Variants in STPG2 observed in about 807,000 individuals in gnomAD.
The protein encoded by STPG2 is sperm-tail PG-rich repeat-containing protein 2.
In STPG2, 56 loss-of-function variants were observed where a neutral mutation model predicts 54.2. That is an observed-to-expected ratio of 1.03 (90% CI 0.83 to 1.29). The LOEUF is 1.29. Among genes scored for constraint, STPG2 ranks in the 50% most tolerant of loss-of-function variants. STPG2 has a pLI of 0.00. For synonymous variants in STPG2, 200 were observed against 181.8 expected, an observed-to-expected ratio of 1.10 and a Z score of -0.81; for missense variants, 596 against 544.9, an observed-to-expected ratio of 1.09 and a Z score of -0.93.
chr4:97,885,723 AG>A (rs1730538062), intron 8 of STPG2, among the ~76,000 whole-genome samples: 1 of 152,178 alleles, frequency 6.6e-6, no homozygotes, highest in Non-Finnish European at 1.5e-5. Flanking sequence ...TTGTAAACAT[AG>A]TTTCTGGAAG....
At position 97,972,276 on chromosome 4, in the gene STPG2, T is replaced by C; in HGVS notation, c.933+4A>G. ...AGAATATTATTTTTGTATGAATGTA[T>C]TACCTGATAATCAGCAGGTCCAGGG... On this transcript the variant is annotated splice_donor_region_variant and intron_variant, in intron 7 of 10. Transcript: ENST00000295268. 1.3e-6 allele frequency: 2 copies of C among 1,558,244 alleles called. No individual in the cohort carries two copies. Among genetic ancestry groups the C allele is most frequent in the Non-Finnish European group, 8.7e-7 (1 of 1,150,470 alleles).
At chr4:97,940,252 G>A (rs1157504783) in intron 8 of STPG2, among the ~76,000 whole-genome samples, 2 of 152,104 alleles carry the variant, frequency 1.3e-5, no homozygotes, top group East Asian at 3.8e-4. Context: ...TTTCAACCTT[G>A]GAAAATCTGA....
intron 8 of STPG2, among the ~76,000 whole-genome samples, chr4:97,881,911 A>G (rs1475314377): frequency 6.6e-6 from 1 of 152,152 alleles, no homozygotes; most frequent in East Asian, 1.9e-4. Context: ...TGAAAGCTGG[A>G]ATGAGTGTCA....
chr4:97,484,843 T>C (rs1314276178), intron 4 of STPG2, among the ~76,000 whole-genome samples: 3 of 151,656 alleles, frequency 2.0e-5, no homozygotes, highest in Non-Finnish European at 4.4e-5. Context: ...CAACAACACT[T>C]CAAAAAGATA....
At chr4:98,021,035 T>C (rs572991193) in intron 5 of STPG2, among the ~76,000 whole-genome samples, 53 of 152,230 alleles carry the variant, frequency 3.5e-4, no homozygotes, top group Middle Eastern at 3.4e-3. Context: ...CTGCTCTGAT[T>C]TTAGTTATTT....
At chr4:97,881,029 T>C (rs1730351939) in intron 8 of STPG2, among the ~76,000 whole-genome samples, 1 of 151,322 alleles carries the variant, frequency 6.6e-6, no homozygotes, top group South Asian at 2.1e-4. Flanking sequence ...ACTGAGAAGA[T>C]AACAGGTGAT....
chr4:97,948,175 T>C (rs547047724), intron 7 of STPG2, among the ~76,000 whole-genome samples: 1 of 152,114 alleles, frequency 6.6e-6, no homozygotes, highest in Non-Finnish European at 1.5e-5. Flanking sequence ...TCCTCTAGAT[T>C]TCCTAGGTTG....
intron 10 of STPG2, among the ~76,000 whole-genome samples, chr4:97,656,525 G>A (rs555700818): frequency 5.7e-4 from 87 of 151,874 alleles, no homozygotes; most frequent in Non-Finnish European, 9.9e-4. Context: ...CAATATCACT[G>A]AGCATTCCCC....
chr4:97,899,896 T>A (rs1432564296), intron 8 of STPG2, among the ~76,000 whole-genome samples: 3 of 152,104 alleles, frequency 2.0e-5, no homozygotes, highest in African/African-American at 7.2e-5. Context: ...AATATCATTC[T>A]GGACACAGGA....
At chr4:97,712,873 G>A in intron 9 of STPG2, 59 bp from the exon 10 acceptor site, 1 of 1,243,364 alleles carries the variant, frequency 8.0e-7, no homozygotes, top group South Asian at 1.5e-5. Context: ...ATTGATTTTG[G>A]TCATATGAAT....
intron 9 of STPG2, among the ~76,000 whole-genome samples, chr4:97,775,314 T>C (rs969420615): frequency 3.3e-5 from 5 of 152,178 alleles, no homozygotes; most frequent in Non-Finnish European, 7.3e-5. Context: ...TGCAGGTTTG[T>C]TACATATGTA....
chr4:98,078,945 T>A (rs1172525797), intron 5 of STPG2, among the ~76,000 whole-genome samples: 1 of 152,204 alleles, frequency 6.6e-6, no homozygotes, highest in African/African-American at 2.4e-5. Flanking sequence ...GTATTTATGA[T>A]GTAGAAGCAC....
chr4:98,086,933 T>C (rs1386809205), intron 5 of STPG2, among the ~76,000 whole-genome samples: 2 of 152,214 alleles, frequency 1.3e-5, no homozygotes, highest in Non-Finnish European at 1.5e-5. Context: ...ACTTACATTA[T>C]AGAATTTTTT....
At chr4:98,054,495 C>T (rs1737423974) in intron 5 of STPG2, among the ~76,000 whole-genome samples, 1 of 152,074 alleles carries the variant, frequency 6.6e-6, no homozygotes, top group African/African-American at 2.4e-5. Flanking sequence ...AATGTGACCA[C>T]TCAAGATACT....
At chr4:97,491,402 A>G (rs532113486) in intron 4 of STPG2, among the ~76,000 whole-genome samples, 1 of 151,626 alleles carries the variant, frequency 6.6e-6, no homozygotes, top group East Asian at 1.9e-4. Flanking sequence ...TCAAACATTT[A>G]TTTGGTAAAA....
intron 4 of STPG2, among the ~76,000 whole-genome samples, chr4:97,492,802 G>T (rs1237905097): frequency 6.6e-6 from 1 of 150,832 alleles, no homozygotes; most frequent in African/African-American, 2.4e-5. Flanking sequence ...GAGGTTAGAA[G>T]TTCAAATATC....
rs143759584 is a variant in STPG2 at position 97,639,643 on chromosome 4, T to A, written c.1320+73056A>T. ...ATTACGGTTGAAAGGAATACAAACATTTATAAATATATAATATTGAACATT... is the reference window on the plus strand; with the variant it reads ...ATTACGGTTGAAAGGAATACAAACAATTATAAATATATAATATTGAACATT... On this transcript the variant is annotated intron_variant, in intron 10 of 10. Transcript: ENST00000295268. 1.0e-3 allele frequency among the ~76,000 whole-genome samples: 153 copies of A among 152,180 alleles called. 1 individual carries two copies. Among genetic ancestry groups the A allele is most frequent in the Middle Eastern group, 3.4e-3 (1 of 294 alleles).
chr4:97,665,935 C>T (rs746927859), intron 10 of STPG2, among the ~76,000 whole-genome samples: 7 of 152,082 alleles, frequency 4.6e-5, no homozygotes, highest in South Asian at 2.1e-4. Context: ...AGGTACATAC[C>T]GGGAGTAGGG....
intron 9 of STPG2, among the ~76,000 whole-genome samples, chr4:97,766,023 T>C (rs1292711930): frequency 1.3e-5 from 2 of 152,086 alleles, no homozygotes; most frequent in Admixed American, 6.5e-5. Context: ...TTGGAAGTTG[T>C]AGGATGCTTT....
Sources: allele counts gnomAD v4.1 joint callset (sites outside exome capture counted in the v4.1 genomes callset), GRCh38; gene constraint gnomAD v4.1.1; transcripts MANE v1.5; gene names NCBI Gene and HGNC (gene_info 2026-07-23, HGNC 2026-07-21).